The following ZFAT variants were observed in gnomAD, a reference collection of about 807,000 sequenced individuals.
ZFAT encodes the protein zinc finger protein ZFAT.
ZFAT carries 64 observed loss-of-function variants against 117.7 expected under a neutral mutation model. That is an observed-to-expected ratio of 0.54 (90% confidence interval 0.44 to 0.67). The LOEUF (loss-of-function observed/expected upper bound fraction) is 0.67, where lower values mean the gene tolerates loss of function less well. Among genes scored for constraint, ZFAT ranks in the 30% least tolerant of loss-of-function variants. The pLI is 0.00. For synonymous variants in ZFAT, 679 were observed against 615.0 expected (o/e 1.10, Z -1.54); for missense variants, 1,433 against 1,584.5 (o/e 0.90, Z 1.62).
the ZFAT span, among the ~76,000 whole-genome samples, chr8:134,776,838 G>T: frequency 6.6e-6 from 1 of 152,308 alleles, no homozygotes; most frequent in Admixed American, 6.5e-5. Context: ...ATGCAGAGTG[G>T]TATCTGCACG....
At chr8:134,662,639 AC>A (rs1831989669) in intron 1 of ZFAT, among the ~76,000 whole-genome samples, 1 of 152,240 alleles carries the variant, frequency 6.6e-6, no homozygotes, top group African/African-American at 2.4e-5. Context: ...GACAATGGCC[AC>A]CGCCAAGCAC....
the ZFAT span, among the ~76,000 whole-genome samples, chr8:134,756,623 G>C: frequency 6.6e-6 from 1 of 152,242 alleles, no homozygotes; most frequent in Non-Finnish European, 1.5e-5. Flanking sequence ...GATTTTCACA[G>C]CTGCACCCCT....
At chr8:134,800,558 T>C in the ZFAT span, 1 of 518,022 alleles carries the variant, frequency 1.9e-6, no homozygotes, top group Non-Finnish European at 4.0e-6. Context: ...TCCCAGCCAA[T>C]CCATGTATTA....
chr8:134,789,592 A>G, the ZFAT span, among the ~76,000 whole-genome samples: 1 of 152,306 alleles, frequency 6.6e-6, no homozygotes, highest in Non-Finnish European at 1.5e-5. Flanking sequence ...TGTGAGCACT[A>G]CAGCCACCAT....
At chr8:134,738,517 C>G in the ZFAT span, among the ~76,000 whole-genome samples, 1 of 152,218 alleles carries the variant, frequency 6.6e-6, no homozygotes, top group Non-Finnish European at 1.5e-5. Context: ...CCAGACACAG[C>G]TCTTTCTTCC....
chr8:134,600,858 G>T (rs527304486), intron 6 of ZFAT, among the ~76,000 whole-genome samples, 190 bp from the exon 7 acceptor site: 105 of 152,184 alleles, frequency 6.9e-4, no homozygotes, highest in Middle Eastern at 3.4e-3. Context: ...AAATATTAAG[G>T]GTGCTACTAT....
At chr8:134,663,803 G>A (rs374458339) in intron 1 of ZFAT, among the ~76,000 whole-genome samples, 2 of 152,096 alleles carry the variant, frequency 1.3e-5, no homozygotes, top group Admixed American at 6.5e-5. Context: ...TTTAAAAATC[G>A]GAAACACTGC....
intron 7 of ZFAT, chr8:134,597,544 T>G (rs1021637476): frequency 1.3e-5 from 2 of 152,212 alleles, no homozygotes; most frequent in African/African-American, 4.8e-5. Context: ...AAATTTTTTT[T>G]GGGCGGAGAG....
chr8:134,735,669 G>A, the ZFAT span, among the ~76,000 whole-genome samples: 5 of 152,138 alleles, frequency 3.3e-5, no homozygotes, highest in South Asian at 2.1e-4. Context: ...CAACCTGAGT[G>A]AGTGGGATTG....
At chr8:134,584,155 T>C (rs1183123819) in intron 9 of ZFAT, 150 bp from the exon 10 acceptor site, 4 of 909,146 alleles carry the variant, frequency 4.4e-6, no homozygotes, top group African/African-American at 1.7e-5. Flanking sequence ...TATACTTGCT[T>C]GGCCCTAACA....
chr8:134,639,870 C>A, intron 2 of ZFAT: 1 of 435,940 alleles, frequency 2.3e-6, no homozygotes, highest in Non-Finnish European at 4.6e-6. Flanking sequence ...CTCTGCCATC[C>A]CGCAGACACA....
intron 2 of ZFAT, among the ~76,000 whole-genome samples, chr8:134,640,928 T>C (rs533863957): frequency 6.6e-6 from 1 of 152,228 alleles, no homozygotes; most frequent in Non-Finnish European, 1.5e-5. Context: ...TGGAGTTAGC[T>C]TTAATTCCTC....
At chr8:134,490,024 G>A (rs923692387) in intron 15 of ZFAT, among the ~76,000 whole-genome samples, 1 of 152,138 alleles carries the variant, frequency 6.6e-6, no homozygotes, top group African/African-American at 2.4e-5. Context: ...GTGAAATGCA[G>A]ACCAGAGCGC....
chr8:134,720,408 A>G, the ZFAT span, among the ~76,000 whole-genome samples: 2 of 152,328 alleles, frequency 1.3e-5, no homozygotes, highest in East Asian at 3.9e-4. Flanking sequence ...TGGGGGAAGG[A>G]TGTAGTCTTA....
intron 11 of ZFAT, among the ~76,000 whole-genome samples, chr8:134,534,667 AAG>A (rs1320658792): frequency 7.0e-6 from 1 of 143,284 alleles, no homozygotes; most frequent in African/African-American, 2.6e-5. Context: ...GGGAGACAAG[AAG>A]AGAGAGGAGG....
intron 13 of ZFAT, among the ~76,000 whole-genome samples, chr8:134,515,857 A>C (rs1038169211): frequency 1.3e-5 from 2 of 152,190 alleles, no homozygotes; most frequent in Non-Finnish European, 2.9e-5. Flanking sequence ...TGCCCCATAA[A>C]TATTTCATAC....
intron 10 of ZFAT, among the ~76,000 whole-genome samples, chr8:134,579,580 G>A (rs1246015501): frequency 1.3e-5 from 2 of 152,118 alleles, no homozygotes; most frequent in Non-Finnish European, 2.9e-5. Context: ...ATGAGATTTG[G>A]GCGGAGACAC....
the ZFAT span, among the ~76,000 whole-genome samples, chr8:134,759,831 T>A: frequency 6.6e-6 from 1 of 151,364 alleles, no homozygotes; most frequent in African/African-American, 2.4e-5. Flanking sequence ...ATTAGCTGGA[T>A]GTGATGGCAG....
chr8:134,757,464 A>AT, the ZFAT span, among the ~76,000 whole-genome samples: 2 of 152,048 alleles, frequency 1.3e-5, no homozygotes, highest in African/African-American at 4.8e-5. Context: ...CTAAAATGGG[A>AT]TTTTAGGGAT....
Sources: allele counts gnomAD v4.1 joint callset (sites outside exome capture counted in the v4.1 genomes callset), GRCh38; gene constraint gnomAD v4.1.1; transcripts MANE v1.5; gene names NCBI Gene and HGNC (gene_info 2026-07-23, HGNC 2026-07-21).